Variants in TMA16 observed in about 807,000 individuals in gnomAD.
TMA16 encodes the protein translation machinery-associated protein 16.
A neutral mutation model predicts 27.1 loss-of-function variants in TMA16; 26 were observed. The observed-to-expected ratio is 0.96, with a 90% confidence interval of 0.70 to 1.33. TMA16 has a LOEUF of 1.33. Ranked by LOEUF, TMA16 falls within the 40% of genes most tolerant of loss-of-function variation. TMA16 has a pLI of 0.00. For synonymous variants in TMA16, 71 were observed against 81.9 expected, an observed-to-expected ratio of 0.87 and a Z score of 0.72; for missense variants, 233 against 241.4, an observed-to-expected ratio of 0.97 and a Z score of 0.23.
chr4:163,519,209 C>T lies in TMA16; in HGVS notation c.432-125C>T, dbSNP rs78292903. 4.0e-3 allele frequency: 3,303 copies of T among 823,190 alleles called. 97 individuals are homozygous for T. The African/African-American group carries it at 0.055, about 14-fold the overall frequency. 51.0% of individuals were successfully genotyped at this position (823,190 alleles called of 1,614,324 possible). On this transcript the variant is annotated intron_variant, in intron 6 of 6. Coordinates refer to ENST00000358572, the MANE Select transcript of TMA16 (RefSeq NM_018352.3). ...CTAGTAATTTGTGCCTAATATTTTC[C>T]TTTAACGCTTTTGAAGTTTTGAATA...
Position 163,520,009 on chromosome 4 carries a change from G to T in TMA16, c.*495G>T. The T allele has an allele frequency of 1.6e-6, 1 of 608,014 alleles. No individual in the cohort carries two copies. The highest frequency in any genetic ancestry group is 1.7e-5 in the South Asian group (1 of 60,292). 37.7% of individuals were successfully genotyped at this position (608,014 alleles called of 1,614,324 possible). A position where few individuals can be genotyped will look rare whatever the true frequency, so the allele number is the denominator to read the frequency against. On this transcript the variant is annotated 3_prime_UTR_variant, in exon 7 of 7. Transcript: ENST00000358572. ...TAAGGGAAAATGTGATAAGAAGTTT[G>T]TATACATTTCTGGATTATAGATTAT...
chr4:163,502,398 A>G (rs1737661457), intron 1 of TMA16, among the ~76,000 whole-genome samples: 1 of 152,228 alleles, frequency 6.6e-6, no homozygotes, highest in Non-Finnish European at 1.5e-5. Flanking sequence ...TCAGGGCAGC[A>G]TCCCACTTTC....
intron 2 of TMA16, 101 bp from the exon 3 acceptor site, chr4:163,512,721 A>T: frequency 1.3e-6 from 1 of 758,768 alleles, no homozygotes. Context: ...TGACCTTTTA[A>T]TTAGAGTTCT....
Position 163,519,999 on chromosome 4 carries a change from TAAG to T in TMA16, c.*489_*491del, listed in dbSNP as rs778645434. 61 of 611,256 alleles carry T rather than the reference TAAG, an allele frequency of 1.0e-4. No homozygotes were observed. Among genetic ancestry groups the T allele is most frequent in the African/African-American group, 4.2e-4 (23 of 54,200 alleles). The allele number at this position is 611,256 out of a possible 1,614,324, so 37.9% of individuals were successfully genotyped here. ...TTTTACAGAATAAGGGAAAATGTGATAAGAAGTTTGTATACATTTCTGGATTAT... is the reference window on the plus strand; with the variant it reads ...TTTTACAGAATAAGGGAAAATGTGATAAGTTTGTATACATTTCTGGATTAT... On this transcript the variant is annotated 3_prime_UTR_variant, in exon 7 of 7. Coordinates refer to ENST00000358572, the MANE Select transcript of TMA16 (RefSeq NM_018352.3).
At chr4:163,504,698 A>G (rs1427286622) in intron 1 of TMA16, among the ~76,000 whole-genome samples, 3 of 152,130 alleles carry the variant, frequency 2.0e-5, no homozygotes, top group Non-Finnish European at 4.4e-5. Context: ...GAGTTTTGCT[A>G]TGTTGGCCAG....
chr4:163,506,967 A>G (rs971416503), intron 1 of TMA16, 66 bp from the exon 2 acceptor site: 6 of 1,257,678 alleles, frequency 4.8e-6, no homozygotes, highest in Non-Finnish European at 6.5e-6. Context: ...TTTGTAAAGA[A>G]TATTTTTGGG....
intron 1 of TMA16, among the ~76,000 whole-genome samples, chr4:163,505,822 A>G (rs1737711661): frequency 6.6e-6 from 1 of 152,180 alleles, no homozygotes; most frequent in Non-Finnish European, 1.5e-5. Flanking sequence ...CGAAGAAAGG[A>G]CTAGTGGGGA....
chr4:163,510,576 A>T (rs533001525), intron 2 of TMA16, among the ~76,000 whole-genome samples: 2 of 152,196 alleles, frequency 1.3e-5, no homozygotes, highest in East Asian at 3.9e-4. Flanking sequence ...CTTTCCTTTT[A>T]TTGGGAGTAT....
chr4:163,504,882 G>A (rs959987107), intron 1 of TMA16, among the ~76,000 whole-genome samples: 4 of 152,136 alleles, frequency 2.6e-5, no homozygotes, highest in African/African-American at 9.7e-5. Context: ...CTGTTGAACT[G>A]CAGGCCTCAC....
intron 2 of TMA16, among the ~76,000 whole-genome samples, chr4:163,511,913 G>A (rs1737805513): frequency 2.0e-5 from 3 of 151,884 alleles, no homozygotes; most frequent in Admixed American, 2.0e-4. Flanking sequence ...AATCTGGTTT[G>A]CTTACTTCTT....
intron 1 of TMA16, among the ~76,000 whole-genome samples, chr4:163,495,320 A>C: frequency 6.6e-6 from 1 of 152,200 alleles, no homozygotes; most frequent in Non-Finnish European, 1.5e-5. Context: ...AACTGAGTAG[A>C]TACAAAAGAG....
At chr4:163,511,917 A>G (rs1353908284) in intron 2 of TMA16, among the ~76,000 whole-genome samples, 7 of 151,970 alleles carry the variant, frequency 4.6e-5, no homozygotes, top group African/African-American at 1.4e-4. Flanking sequence ...TGGTTTGCTT[A>G]CTTCTTTGTG....
intron 1 of TMA16, among the ~76,000 whole-genome samples, chr4:163,500,830 A>G (rs1445872029): frequency 6.6e-6 from 1 of 152,160 alleles, no homozygotes; most frequent in Non-Finnish European, 1.5e-5. Flanking sequence ...CTTATAAAAG[A>G]CCCAGGAATG....
intron 2 of TMA16, among the ~76,000 whole-genome samples, chr4:163,510,216 T>G (rs1223217531): frequency 1.3e-5 from 2 of 152,194 alleles, no homozygotes; most frequent in African/African-American, 2.4e-5. Context: ...TGTTCTTTGT[T>G]TTTTAAGATC....
At chr4:163,502,001 T>C (rs540082191) in intron 1 of TMA16, among the ~76,000 whole-genome samples, 2 of 152,180 alleles carry the variant, frequency 1.3e-5, no homozygotes, top group African/African-American at 2.4e-5. Flanking sequence ...CAGTTTTTGA[T>C]CTGGAAGCCT....
chr4:163,516,997 GTT>G, intron 5 of TMA16: 1 of 157,296 alleles, frequency 6.4e-6, no homozygotes, highest in Non-Finnish European at 1.4e-5. Context: ...CTTTGGTTTT[GTT>G]TTGTTTTTTT....
intron 5 of TMA16, among the ~76,000 whole-genome samples, chr4:163,516,530 C>A (rs1212289882): frequency 6.6e-6 from 1 of 152,156 alleles, no homozygotes; most frequent in African/African-American, 2.4e-5. Flanking sequence ...TTCTTTATTA[C>A]TTGATACTAA....
chr4:163,512,292 G>A (rs974142802), intron 2 of TMA16: 3 of 152,162 alleles, frequency 2.0e-5, no homozygotes, highest in African/African-American at 7.2e-5. Flanking sequence ...TCCTGAATGA[G>A]TAAGTGTTTA....
At position 163,514,115 on chromosome 4, in the gene TMA16, A is replaced by G; in HGVS notation, c.196A>G (p.Lys66Glu). The G allele has an allele frequency of 6.2e-7, 1 of 1,610,742 alleles. No homozygotes were observed. The highest frequency in any genetic ancestry group is 8.5e-7 in the Non-Finnish European group (1 of 1,178,626). ...QWFQNHLDPQ[K>E]KRYSKKDACE... ...GTTTCAAAATCATCTTGATCCCCAA[A>G]AAAAGAGATATTCAAAGAAAGATGC... The change falls in exon 4 of 7, where the codon AAA (lysine) becomes GAA (glutamate). Residue 66 changes from lysine (K) to glutamate (E), a missense_variant. By Grantham distance (56) the Lys-to-Glu change is moderately conservative (BLOSUM62 1). Transcript: ENST00000358572.
Sources: allele counts gnomAD v4.1 joint callset (sites outside exome capture counted in the v4.1 genomes callset), GRCh38; gene constraint gnomAD v4.1.1; transcripts MANE v1.5; gene names NCBI Gene and HGNC (gene_info 2026-07-23, HGNC 2026-07-21).